Variants in TENM2 observed in about 807,000 individuals in gnomAD.
TENM2 encodes the protein teneurin transmembrane protein 2, also known as teneurin-2.
In TENM2, 52 loss-of-function variants were observed where a neutral mutation model predicts 245.2. The ratio of observed to expected loss-of-function variants is 0.21; its 90% CI spans 0.17 to 0.27. The LOEUF is 0.27. TENM2 is among the 10% of genes least tolerant of loss of function. The pLI, the probability that TENM2 is intolerant of heterozygous loss-of-function variation, is 1.00. For missense variants in TENM2, 3,046 were observed against 3,666.8 expected (o/e 0.83, Z 4.37); for synonymous variants, 1,363 against 1,438.9 (o/e 0.95, Z 1.19).
chr5:167,978,742 C>T (rs1221001030), intron 4 of TENM2, among the ~76,000 whole-genome samples: 5 of 152,114 alleles, frequency 3.3e-5, no homozygotes, highest in Non-Finnish European at 5.9e-5. Flanking sequence ...ATCGTGAATG[C>T]TCTAAATGCC....
At chr5:167,954,629 C>G (rs114609654) in intron 4 of TENM2, among the ~76,000 whole-genome samples, 1 of 152,152 alleles carries the variant, frequency 6.6e-6, no homozygotes, top group African/African-American at 2.4e-5. Context: ...CCCCTGCCCC[C>G]TCACAGGCCC....
intron 7 of TENM2, among the ~76,000 whole-genome samples, chr5:168,065,810 A>G (rs1385929884): frequency 1.4e-5 from 2 of 146,470 alleles, no homozygotes; most frequent in Admixed American, 6.8e-5. Flanking sequence ...CATTTCAGTG[A>G]AAAAAAAAAG....
chr5:167,952,126 T>C (rs1561973698), intron 3 of TENM2, among the ~76,000 whole-genome samples: 1 of 152,056 alleles, frequency 6.6e-6, no homozygotes, highest in Non-Finnish European at 1.5e-5. Flanking sequence ...CTAGTCCCTA[T>C]AGGTATTTAA....
At chr5:167,766,608 G>T (rs1763037885) in intron 2 of TENM2, among the ~76,000 whole-genome samples, 1 of 152,150 alleles carries the variant, frequency 6.6e-6, no homozygotes, top group African/African-American at 2.4e-5. Flanking sequence ...CAGGCATGAT[G>T]GCTCATGCCT....
chr5:168,139,239 T>C (rs1256171238), intron 12 of TENM2, among the ~76,000 whole-genome samples: 1 of 152,232 alleles, frequency 6.6e-6, no homozygotes, highest in Non-Finnish European at 1.5e-5. Flanking sequence ...GGAGGAAACT[T>C]AGTTAAATCA....
At chr5:167,357,165 T>G (rs1047001570) in intron 1 of TENM2, among the ~76,000 whole-genome samples, 1 of 152,198 alleles carries the variant, frequency 6.6e-6, no homozygotes, top group African/African-American at 2.4e-5. Flanking sequence ...TAGAAATTTG[T>G]AACGTAATAC....
upstream of TENM2, among the ~76,000 whole-genome samples, chr5:167,280,771 T>TATC (rs1771004042): frequency 1.3e-5 from 2 of 151,294 alleles, no homozygotes; most frequent in African/African-American, 2.4e-5. Context: ...TCTATCTATC[T>TATC]ATCTATCTAT....
intron 2 of TENM2, among the ~76,000 whole-genome samples, chr5:167,577,183 T>C (rs901877513): frequency 6.6e-6 from 1 of 151,788 alleles, no homozygotes; most frequent in African/African-American, 2.4e-5. Flanking sequence ...TCTATGGGAG[T>C]ATTTATTTTT....
intron 1 of TENM2, among the ~76,000 whole-genome samples, chr5:167,358,994 C>A (rs956079963): frequency 2.0e-5 from 3 of 151,952 alleles, no homozygotes; most frequent in Admixed American, 2.0e-4. Context: ...GACTGCCCAC[C>A]CCGACACTCT....
chr5:167,952,406 C>T (rs894657466), intron 3 of TENM2, 182 bp from the exon 6 acceptor site: 2 of 604,108 alleles, frequency 3.3e-6, no homozygotes, highest in African/African-American at 3.7e-5. Context: ...CAAATCAAAG[C>T]CCATTATTTA....
At position 168,247,224 on chromosome 5, in the gene TENM2, C is replaced by T. The variant is rs1446238715; in HGVS notation, c.6285C>T (p.Asp2095=). 6.2e-7 allele frequency: 1 copy of T among 1,613,790 alleles called. No individual in the cohort carries two copies. Among genetic ancestry groups the T allele is most frequent in the Non-Finnish European group, 8.5e-7 (1 of 1,179,904 alleles). The change falls in exon 27 of 29, where the codon GAC becomes GAT. Residue 2095 remains aspartate, a synonymous_variant. Transcript: ENST00000518659. The surrounding 1 kb of genome is among the most constrained non-coding windows in gnomAD (Gnocchi z 7.8). ...CCAGGTTTGACTACACCTATCATGA[C>T]AACAGCTTCCGCATCGCAAGCATCA... is the stretch of plus-strand genomic sequence containing the variant.
chr5:166,992,618 C>T, the TENM2 span, among the ~76,000 whole-genome samples: 1 of 152,118 alleles, frequency 6.6e-6, no homozygotes. Flanking sequence ...AAAGGTGGGC[C>T]TATCTTGACC....
chr5:167,779,238 A>G (rs1357462746), intron 2 of TENM2, among the ~76,000 whole-genome samples: 2 of 152,214 alleles, frequency 1.3e-5, no homozygotes, highest in Non-Finnish European at 2.9e-5. Flanking sequence ...CTTTCCCAAC[A>G]GCCACAAAGG....
chr5:167,515,300 C>A (rs1770250392), intron 2 of TENM2, among the ~76,000 whole-genome samples: 1 of 152,006 alleles, frequency 6.6e-6, no homozygotes, highest in Non-Finnish European at 1.5e-5. Flanking sequence ...AGCATGTAGA[C>A]TGCAAGTAGA....
chr5:168,224,292 C>G (rs746493324), intron 23 of TENM2, among the ~76,000 whole-genome samples: 1 of 152,160 alleles, frequency 6.6e-6, no homozygotes, highest in East Asian at 1.9e-4. Flanking sequence ...GGGCCCTGGG[C>G]GAGTGATAGC....
chr5:167,440,802 T>C (rs1252723926), intron 2 of TENM2, among the ~76,000 whole-genome samples: 7 of 152,140 alleles, frequency 4.6e-5, no homozygotes, highest in Admixed American at 3.3e-4. Flanking sequence ...CTTCTAACTT[T>C]TTGTGCATCT....
At position 167,375,411 on chromosome 5, in the gene TENM2, G is replaced by A. The variant is rs1431479799; in HGVS notation, c.440G>A (p.Arg147His). 3.2e-6 allele frequency: 5 copies of A among 1,551,704 alleles called. No homozygotes were observed. In the South Asian group the frequency reaches 3.6e-5, roughly 11 times the overall value. ...AGGCGCAGTTCCGGCCTGTCCAGTCGTGAAAACTCGGCCCTTACCCTGACT... is the reference window on the plus strand; with the variant it reads ...AGGCGCAGTTCCGGCCTGTCCAGTCATGAAAACTCGGCCCTTACCCTGACT... Residue 147 changes from arginine to histidine, a missense_variant, in exon 2 of 29, where the codon CGT becomes CAT. Around this residue, in one of 2 missense-constraint regions of TENM2, gnomAD observed 342 missense variants for 335.0 expected, o/e 1.02. Transcript: ENST00000518659.
intron 1 of TENM2, among the ~76,000 whole-genome samples, chr5:167,371,760 T>G (rs2127299569): frequency 1.3e-5 from 2 of 152,312 alleles, no homozygotes; most frequent in South Asian, 4.1e-4. Context: ...GTAAATGTCA[T>G]GGACTATATT....
chr5:167,186,131 T>A, the TENM2 span, among the ~76,000 whole-genome samples: 1 of 152,158 alleles, frequency 6.6e-6, no homozygotes, highest in African/African-American at 2.4e-5. Flanking sequence ...ACAAGTTCAA[T>A]CAACCCTTTT....
Sources: allele counts gnomAD v4.1 joint callset (sites outside exome capture counted in the v4.1 genomes callset), GRCh38; gene constraint gnomAD v4.1.1; regional missense constraint gnomAD v4.1.1; non-coding constraint Gnocchi (gnomAD v3.1); transcripts MANE v1.5; gene names NCBI Gene and HGNC (gene_info 2026-07-23, HGNC 2026-07-21).